POU6F2: variants seen among roughly 807,000 people sequenced by gnomAD.
POU6F2 encodes POU class 6 homeobox 2, also known as POU domain, class 6, transcription factor 2.
In POU6F2, 31 loss-of-function variants were observed where a neutral mutation model predicts 71.3. The ratio of observed to expected loss-of-function variants is 0.43; its 90% CI spans 0.33 to 0.59. The LOEUF is 0.59. Ranked by LOEUF, POU6F2 falls within the 20% of genes least tolerant of loss-of-function variation. The pLI, the probability that POU6F2 is intolerant of heterozygous loss-of-function variation, is 0.04. For missense variants in POU6F2, 783 were observed against 856.8 expected (o/e 0.91, Z 1.07); for synonymous variants, 347 against 355.7 (o/e 0.98, Z 0.27).
intron 2 of POU6F2, among the ~76,000 whole-genome samples, chr7:39,163,344 T>C (rs982862314): frequency 2.0e-5 from 3 of 152,226 alleles, no homozygotes; most frequent in South Asian, 4.1e-4. Flanking sequence ...GAGAAGTTTC[T>C]GGAAGTAGTT....
chr7:39,322,304 C>T (rs374778018), intron 4 of POU6F2, among the ~76,000 whole-genome samples: 1 of 152,174 alleles, frequency 6.6e-6, no homozygotes, highest in Non-Finnish European at 1.5e-5. Context: ...GCCGCCTGCT[C>T]ACTCAACAGG....
chr7:39,105,369 A>G (rs1330765003), intron 2 of POU6F2, among the ~76,000 whole-genome samples: 1 of 152,070 alleles, frequency 6.6e-6, no homozygotes, highest in African/African-American at 2.4e-5. Flanking sequence ...CATCTAAGTC[A>G]TAATTTTCTA....
intron 6 of POU6F2, among the ~76,000 whole-genome samples, chr7:39,408,443 G>T (rs1298018251): frequency 6.6e-6 from 1 of 152,224 alleles, no homozygotes; most frequent in African/African-American, 2.4e-5. Context: ...AGGAGCTAGA[G>T]TTACTACACT....
chr7:39,117,285 A>C (rs1052608529), intron 2 of POU6F2, among the ~76,000 whole-genome samples: 2 of 152,166 alleles, frequency 1.3e-5, no homozygotes, highest in Admixed American at 6.5e-5. Flanking sequence ...AGGCAGTACA[A>C]ACTTGAGTTA....
Position 39,324,319 on chromosome 7 carries a change from T to C in POU6F2, c.599-15323T>C, listed in dbSNP as rs1056706478. Among the ~76,000 whole-genome samples the C allele has an allele frequency of 1.2e-4, 19 of 152,220 alleles. 1 individual carries two copies. The highest frequency in any genetic ancestry group is 1.1e-3 in the Admixed American group (17 of 15,282). ...GAGTTGACACTTTGGCACTTCCTGG[T>C]CTCCTTGCATTCAAGTGGTGCCACG... is the stretch of plus-strand genomic sequence containing the variant. On this transcript the variant is annotated intron_variant, in intron 4 of 9. Transcript: ENST00000518318.
intron 2 of POU6F2, among the ~76,000 whole-genome samples, chr7:39,151,734 A>G (rs1792764063): frequency 6.6e-6 from 1 of 152,190 alleles, no homozygotes; most frequent in Admixed American, 6.5e-5. Context: ...TGTCAGGGCA[A>G]TGATGCCCCT....
intron 2 of POU6F2, among the ~76,000 whole-genome samples, chr7:39,189,245 A>G (rs943140298): frequency 1.3e-5 from 2 of 152,202 alleles, no homozygotes; most frequent in Non-Finnish European, 2.9e-5. Context: ...CTCCATTATC[A>G]TGCCTGAAGA....
At chr7:39,256,445 A>T (rs1298687542) in intron 4 of POU6F2, among the ~76,000 whole-genome samples, 1 of 152,144 alleles carries the variant, frequency 6.6e-6, no homozygotes, top group Non-Finnish European at 1.5e-5. Context: ...TCAGAGTGGA[A>T]TTAATTCCTC....
chr7:39,272,797 C>A (rs572254947), intron 4 of POU6F2, among the ~76,000 whole-genome samples: 23 of 152,220 alleles, frequency 1.5e-4, no homozygotes, highest in Admixed American at 3.9e-4. Context: ...TAGCTCTTTT[C>A]CCAAATTATT....
At chr7:39,456,444 C>A (rs753931604) in intron 8 of POU6F2, among the ~76,000 whole-genome samples, 1 of 152,154 alleles carries the variant, frequency 6.6e-6, no homozygotes, top group Non-Finnish European at 1.5e-5. Flanking sequence ...CCCAGTGAAA[C>A]AACCTCAAGA....
intron 1 of POU6F2, among the ~76,000 whole-genome samples, chr7:39,030,544 A>ACACACAT (rs57374114): frequency 3.6e-5 from 3 of 84,166 alleles, no homozygotes; most frequent in Non-Finnish European, 5.2e-5. Flanking sequence ...ATATATATAT[A>ACACACAT]CACACACATA....
intron 4 of POU6F2, among the ~76,000 whole-genome samples, chr7:39,258,890 C>T (rs1784077898): frequency 6.6e-6 from 1 of 152,090 alleles, no homozygotes; most frequent in Non-Finnish European, 1.5e-5. Flanking sequence ...TAATTGCAGG[C>T]CATTTGTAAC....
intron 4 of POU6F2, among the ~76,000 whole-genome samples, chr7:39,330,961 A>G (rs1443872784): frequency 6.6e-6 from 1 of 152,090 alleles, no homozygotes; most frequent in African/African-American, 2.4e-5. Flanking sequence ...TCTCTGGTAA[A>G]CACTGTTCTA....
At chr7:39,266,246 T>G (rs1487649141) in intron 4 of POU6F2, among the ~76,000 whole-genome samples, 1 of 152,176 alleles carries the variant, frequency 6.6e-6, no homozygotes, top group Non-Finnish European at 1.5e-5. Flanking sequence ...AAGATAACTT[T>G]ATTGGAGGCG....
intron 1 of POU6F2, among the ~76,000 whole-genome samples, chr7:39,080,430 G>A (rs1791093419): frequency 6.6e-6 from 1 of 152,122 alleles, no homozygotes; most frequent in South Asian, 2.1e-4. Flanking sequence ...AAATATGACG[G>A]TGTGTTTGCA....
chr7:39,282,309 CTATT>C (rs1396676316), intron 4 of POU6F2, among the ~76,000 whole-genome samples: 1 of 152,084 alleles, frequency 6.6e-6, no homozygotes, highest in African/African-American at 2.4e-5. Context: ...TCCTATCTGT[CTATT>C]TATATATTTC....
intron 5 of POU6F2, among the ~76,000 whole-genome samples, chr7:39,381,331 G>A (rs562260763): frequency 5.3e-5 from 8 of 152,248 alleles, no homozygotes; most frequent in East Asian, 1.9e-4. Context: ...TCTGCCTCCC[G>A]GGTTCAAGCT....
At chr7:38,996,521 T>C (rs969134877) in intron 1 of POU6F2, among the ~76,000 whole-genome samples, 1 of 152,168 alleles carries the variant, frequency 6.6e-6, no homozygotes, top group African/African-American at 2.4e-5. Context: ...ATTATTTCTA[T>C]CTATTCTTTC....
chr7:39,128,915 A>G (rs977693753), intron 2 of POU6F2, among the ~76,000 whole-genome samples: 1 of 152,224 alleles, frequency 6.6e-6, no homozygotes, highest in Non-Finnish European at 1.5e-5. Flanking sequence ...AGACTCTAAG[A>G]ACAAATCTCT....
Sources: allele counts gnomAD v4.1 joint callset (sites outside exome capture counted in the v4.1 genomes callset), GRCh38; gene constraint gnomAD v4.1.1; transcripts MANE v1.5; gene names NCBI Gene and HGNC (gene_info 2026-07-23, HGNC 2026-07-21).